DNAH12: variants seen among roughly 807,000 people sequenced by gnomAD.
The protein encoded by DNAH12 is axonemal beta dynein heavy chain 12.
Under a neutral mutation model 371.5 loss-of-function variants are expected in DNAH12, and 285 were observed. The ratio of observed to expected loss-of-function variants is 0.77; its 90% confidence interval spans 0.70 to 0.85. The LOEUF (loss-of-function observed/expected upper bound fraction) is 0.85, where lower values mean the gene tolerates loss of function less well. Among genes scored for constraint, DNAH12 ranks in the 40% least tolerant of loss-of-function variants. The pLI is 0.00. For synonymous variants in DNAH12, 1,200 were observed against 1,213.0 expected (o/e 0.99, Z 0.22); for missense variants, 3,611 against 3,689.4 (o/e 0.98, Z 0.55).
chr3:57,327,417 G>C (rs374422320), intron 62 of DNAH12, among the ~76,000 whole-genome samples: 2 of 151,920 alleles, frequency 1.3e-5, no homozygotes, highest in Non-Finnish European at 2.9e-5. Flanking sequence ...ACTCAAAACC[G>C]CTCAACTACA....
chr3:57,338,629 C>A (rs55924726), intron 60 of DNAH12, among the ~76,000 whole-genome samples: 1 of 150,626 alleles, frequency 6.6e-6, no homozygotes, highest in African/African-American at 2.5e-5. Context: ...TCTGCCTGGC[C>A]GCCCCGTCTA....
At chr3:57,458,251 C>G in intron 20 of DNAH12, 31 bp from the exon 21 acceptor site, 1 of 1,519,554 alleles carries the variant, frequency 6.6e-7, no homozygotes, top group Non-Finnish European at 8.8e-7. Context: ...CAAGTCAGCA[C>G]TTTTATGCCA....
chr3:57,353,982 A>C (rs2062740567), intron 59 of DNAH12, among the ~76,000 whole-genome samples: 1 of 152,228 alleles, frequency 6.6e-6, no homozygotes, highest in South Asian at 2.1e-4. Flanking sequence ...CAAAGAACTT[A>C]AAACAGAACT....
chr3:57,461,363 A>C (rs1397265045), intron 19 of DNAH12, 126 bp downstream of exon 19: 1 of 725,970 alleles, frequency 1.4e-6, no homozygotes, highest in Non-Finnish European at 2.2e-6. Context: ...TCAAAGTTAT[A>C]GGTCTATGAT....
At chr3:57,313,461 G>A (rs1190007848) in intron 66 of DNAH12, among the ~76,000 whole-genome samples, 5 of 152,174 alleles carry the variant, frequency 3.3e-5, no homozygotes, top group Non-Finnish European at 7.3e-5. Context: ...AGACAAGCCT[G>A]AACAACAAGG....
At chr3:57,356,825 C>T (rs1185536195) in intron 59 of DNAH12, among the ~76,000 whole-genome samples, 1 of 152,008 alleles carries the variant, frequency 6.6e-6, no homozygotes, top group East Asian at 1.9e-4. Flanking sequence ...CTGCAACATC[C>T]ACCTCCTGAG....
At chr3:57,498,895 C>T (rs1466566185) in intron 11 of DNAH12, among the ~76,000 whole-genome samples, 1 of 151,706 alleles carries the variant, frequency 6.6e-6, no homozygotes, top group Non-Finnish European at 1.5e-5. Context: ...GCTACTCGGG[C>T]GGCTGAAGCA....
intron 25 of DNAH12, among the ~76,000 whole-genome samples, chr3:57,451,463 C>T (rs1322418061): frequency 6.6e-6 from 1 of 152,056 alleles, no homozygotes; most frequent in African/African-American, 2.4e-5. Flanking sequence ...GGCTGAAACC[C>T]CATCTCTACT....
At chr3:57,498,896 G>A (rs2067409745) in intron 11 of DNAH12, among the ~76,000 whole-genome samples, 2 of 152,056 alleles carry the variant, frequency 1.3e-5, no homozygotes, top group Admixed American at 6.6e-5. Context: ...CTACTCGGGC[G>A]GCTGAAGCAG....
At chr3:57,548,781 G>C (rs1190037916), upstream of DNAH12, 1 of 152,110 alleles carries the variant, frequency 6.6e-6, no homozygotes, top group Non-Finnish European at 1.5e-5. Flanking sequence ...ATAGGTCACT[G>C]TAAAATAACA....
intron 2 of DNAH12, 41 bp downstream of exon 2, chr3:57,542,660 T>C (rs771200878): frequency 2.1e-5 from 32 of 1,542,826 alleles, no homozygotes; most frequent in Non-Finnish European, 2.7e-5. Flanking sequence ...ATCATTTTAC[T>C]TGAATTCCAA....
At chr3:57,359,952 CTA>C (rs2062887367) in intron 58 of DNAH12, among the ~76,000 whole-genome samples, 1 of 152,142 alleles carries the variant, frequency 6.6e-6, no homozygotes, top group Admixed American at 6.6e-5. Context: ...GAATTTAAAA[CTA>C]TGTTTGCAAT....
intron 59 of DNAH12, among the ~76,000 whole-genome samples, chr3:57,355,639 C>T (rs1211108884): frequency 6.6e-6 from 1 of 152,108 alleles, no homozygotes. Context: ...AAAATCCAAC[C>T]AGCAGTGTAA....
At chr3:57,370,032 A>G (rs2153335893) in intron 55 of DNAH12, among the ~76,000 whole-genome samples, 1 of 152,324 alleles carries the variant, frequency 6.6e-6, no homozygotes, top group African/African-American at 2.4e-5. Flanking sequence ...ACCTTACTCT[A>G]GGTATGAAAA....
intron 49 of DNAH12, among the ~76,000 whole-genome samples, chr3:57,383,983 T>G (rs1400129948): frequency 2.0e-5 from 3 of 152,102 alleles, no homozygotes; most frequent in Non-Finnish European, 4.4e-5. Context: ...TACAGTCTTG[T>G]CAGGCCTGTT....
chr3:57,385,027 A>G (rs2063473659), intron 48 of DNAH12, 22 bp from the exon 49 acceptor site: 1 of 152,250 alleles, frequency 6.6e-6, no homozygotes, highest in African/African-American at 2.4e-5. Flanking sequence ...AAAGATGAAG[A>G]CAATTTCTCA....
At chr3:57,448,144 CACTG>C (rs2065588839) in intron 25 of DNAH12, among the ~76,000 whole-genome samples, 1 of 152,194 alleles carries the variant, frequency 6.6e-6, no homozygotes, top group South Asian at 2.1e-4. Context: ...TGCTTGGTCT[CACTG>C]ACTTCAAGAA....
At chr3:57,430,522 C>T (rs995217864) in intron 32 of DNAH12, among the ~76,000 whole-genome samples, 2 of 152,098 alleles carry the variant, frequency 1.3e-5, no homozygotes, top group African/African-American at 4.8e-5. Flanking sequence ...TAAAACATTT[C>T]TTCTTTTATC....
intron 11 of DNAH12, among the ~76,000 whole-genome samples, chr3:57,500,560 G>T: frequency 6.6e-6 from 1 of 151,968 alleles, no homozygotes; most frequent in East Asian, 1.9e-4. Context: ...GAACACCCTG[G>T]TTCATGCTAC....
Sources: allele counts gnomAD v4.1 joint callset (sites outside exome capture counted in the v4.1 genomes callset), GRCh38; gene constraint gnomAD v4.1.1; transcripts MANE v1.5; gene names NCBI Gene and HGNC (gene_info 2026-07-23, HGNC 2026-07-21).